Variants in ZBTB20 observed in about 807,000 individuals in gnomAD.
The protein encoded by ZBTB20 is zinc finger and BTB domain-containing protein 20.
ZBTB20 carries 9 observed loss-of-function variants against 56.9 expected under a neutral mutation model. That is an observed-to-expected ratio of 0.16 (90% CI 0.10 to 0.28). The LOEUF is 0.28. ZBTB20 is among the 10% of genes least tolerant of loss of function. ZBTB20 has a pLI of 1.00. For missense variants in ZBTB20, 655 were observed against 1,003.0 expected, an observed-to-expected ratio of 0.65 and a Z score of 4.69; for synonymous variants, 417 against 420.7, an observed-to-expected ratio of 0.99 and a Z score of 0.11.
chr3:114,613,457 C>T (rs2057704029), intron 6 of ZBTB20, among the ~76,000 whole-genome samples: 1 of 152,090 alleles, frequency 6.6e-6, no homozygotes, highest in African/African-American at 2.4e-5. Context: ...GATCAACAGA[C>T]CTAGACTAGA....
At chr3:114,697,914 T>G (rs2063144098) in intron 5 of ZBTB20, among the ~76,000 whole-genome samples, 1 of 152,204 alleles carries the variant, frequency 6.6e-6, no homozygotes, top group Middle Eastern at 3.4e-3. Flanking sequence ...AAAAAAATGG[T>G]CTTGAGCTGG....
chr3:114,429,194 G>T (rs145162168), intron 7 of ZBTB20, among the ~76,000 whole-genome samples: 36 of 152,220 alleles, frequency 2.4e-4, no homozygotes, highest in African/African-American at 8.2e-4. Flanking sequence ...AAAAAAGTAC[G>T]ATTAGACATA....
intron 1 of ZBTB20, among the ~76,000 whole-genome samples, chr3:115,099,374 T>C (rs2083494267): frequency 6.6e-6 from 1 of 152,114 alleles, no homozygotes; most frequent in Admixed American, 6.5e-5. Flanking sequence ...AAAAGGAAAC[T>C]GTCCTAGGAT....
At position 114,340,045 on chromosome 3, in the gene ZBTB20, A is replaced by G. The variant is rs147848648; in HGVS notation, c.1805-619T>C. On this transcript the variant is annotated intron_variant, in intron 11 of 11. Coordinates refer to ENST00000675478, the MANE Select transcript of ZBTB20 (RefSeq NM_001348800.3). ...TCAAGTTTATCTATTTTAGACAGAA[A>G]TCTTTCTAAAATATAACTTAAGGGT... 2.7e-4 allele frequency among the ~76,000 whole-genome samples: 41 copies of G among 152,276 alleles called. No homozygotes were observed. In the East Asian group the frequency reaches 5.2e-3, roughly 19 times the overall value.
At chr3:114,880,136 A>G (rs1472846410) in intron 4 of ZBTB20, among the ~76,000 whole-genome samples, 1 of 152,312 alleles carries the variant, frequency 6.6e-6, no homozygotes, top group Admixed American at 6.5e-5. Flanking sequence ...TCTGTGTGCA[A>G]TGATTAGTAT....
At chr3:114,844,527 A>AAAAAAC (rs1390352548) in intron 4 of ZBTB20, among the ~76,000 whole-genome samples, 21 of 132,582 alleles carry the variant, frequency 1.6e-4, no homozygotes, top group Non-Finnish European at 2.4e-4. Flanking sequence ...TCTCAAAAAA[A>AAAAAAC]AAAAAAAAAA....
chr3:114,781,197 T>C (rs1291956429), intron 5 of ZBTB20, among the ~76,000 whole-genome samples: 5 of 152,160 alleles, frequency 3.3e-5, no homozygotes, highest in Admixed American at 3.3e-4. Context: ...TTTTGCCCCA[T>C]CCTTGACCTT....
chr3:114,590,176 C>T (rs1469901090), intron 6 of ZBTB20, among the ~76,000 whole-genome samples: 2 of 152,104 alleles, frequency 1.3e-5, no homozygotes, highest in Non-Finnish European at 2.9e-5. Flanking sequence ...TGTTTCAGGC[C>T]GTGTGCGAAG....
intron 3 of ZBTB20, among the ~76,000 whole-genome samples, chr3:114,956,648 C>T (rs2077257586): frequency 6.6e-6 from 1 of 152,276 alleles, no homozygotes; most frequent in African/African-American, 2.4e-5. Context: ...TTTTGACAAG[C>T]TATATCTGGA....
intron 6 of ZBTB20, among the ~76,000 whole-genome samples, chr3:114,510,311 T>C (rs974579208): frequency 6.6e-6 from 1 of 152,162 alleles, no homozygotes; most frequent in African/African-American, 2.4e-5. Context: ...AAGCCCAAAG[T>C]ACTCACTGCA....
chr3:114,355,108 G>A (rs1474116048), intron 10 of ZBTB20, among the ~76,000 whole-genome samples: 1 of 152,120 alleles, frequency 6.6e-6, no homozygotes, highest in Non-Finnish European at 1.5e-5. Context: ...AAAAAAGAAA[G>A]ACACTGAAAG....
chr3:114,977,779 A>G (rs2078164356), intron 2 of ZBTB20, among the ~76,000 whole-genome samples: 1 of 152,104 alleles, frequency 6.6e-6, no homozygotes, highest in African/African-American at 2.4e-5. Context: ...AAGCATAAAG[A>G]TTTATGATGT....
chr3:115,044,228 A>C (rs2081256489), intron 2 of ZBTB20, among the ~76,000 whole-genome samples: 1 of 152,230 alleles, frequency 6.6e-6, no homozygotes, highest in Non-Finnish European at 1.5e-5. Context: ...AGGAAGTTTC[A>C]AATCACGTAA....
At chr3:114,869,509 T>C (rs777099890) in intron 4 of ZBTB20, among the ~76,000 whole-genome samples, 4 of 152,132 alleles carry the variant, frequency 2.6e-5, no homozygotes, top group Non-Finnish European at 4.4e-5. Flanking sequence ...AATCTAGTAA[T>C]ACTAGATTAA....
At chr3:114,809,136 T>C (rs1330176814) in intron 4 of ZBTB20, among the ~76,000 whole-genome samples, 1 of 152,082 alleles carries the variant, frequency 6.6e-6, no homozygotes, top group African/African-American at 2.4e-5. Flanking sequence ...AAAGTTTGAC[T>C]ATAATGTGTC....
At position 114,620,587 on chromosome 3, in the gene ZBTB20, C is replaced by T. The variant is rs112500715; in HGVS notation, c.-295+72941G>A. On this transcript the variant is annotated intron_variant, in intron 6 of 11. Coordinates refer to ENST00000675478, the MANE Select transcript of ZBTB20 (RefSeq NM_001348800.3). ...GATTACAGGCATGAGCCACTGTGTC[C>T]GGCTGTTTCTTTCACTATGATAAGC... 7.8e-3 allele frequency among the ~76,000 whole-genome samples: 1,186 copies of T among 152,242 alleles called. 9 individuals are homozygous for T. Among genetic ancestry groups the T allele is most frequent in the Non-Finnish European group, 0.012 (843 of 68,000 alleles).
chr3:114,666,020 C>T (rs1041470232), intron 6 of ZBTB20, among the ~76,000 whole-genome samples: 4 of 152,054 alleles, frequency 2.6e-5, no homozygotes, highest in Non-Finnish European at 5.9e-5. Flanking sequence ...GCTATTGTCA[C>T]TATCCTAAAT....
At chr3:114,567,793 C>T (rs190716964) in intron 6 of ZBTB20, among the ~76,000 whole-genome samples, 5 of 152,288 alleles carry the variant, frequency 3.3e-5, no homozygotes, top group Admixed American at 2.6e-4. Flanking sequence ...CTTTTGAAAC[C>T]CCTGGAATAC....
chr3:114,630,922 A>C (rs1246785656), intron 6 of ZBTB20, among the ~76,000 whole-genome samples: 1 of 152,192 alleles, frequency 6.6e-6, no homozygotes, highest in Non-Finnish European at 1.5e-5. Flanking sequence ...CAGTATTTTC[A>C]ACTGATTGCA....
Sources: allele counts gnomAD v4.1 joint callset (sites outside exome capture counted in the v4.1 genomes callset), GRCh38; gene constraint gnomAD v4.1.1; transcripts MANE v1.5; gene names NCBI Gene and HGNC (gene_info 2026-07-23, HGNC 2026-07-21).